The following SRGAP2 variants were observed in gnomAD, a reference collection of about 807,000 sequenced individuals.
The protein encoded by SRGAP2 is SLIT-ROBO Rho GTPase activating protein 2.
In SRGAP2, 15 loss-of-function variants were observed where a neutral mutation model predicts 57.2. The ratio of observed to expected loss-of-function variants is 0.26; its 90% CI spans 0.18 to 0.40. SRGAP2 has a LOEUF of 0.40. Ranked by LOEUF, SRGAP2 falls within the 10% of genes least tolerant of loss-of-function variation. The pLI is 1.00. For missense variants in SRGAP2, 520 were observed against 669.6 expected (o/e 0.78, Z 2.47); for synonymous variants, 249 against 248.0 (o/e 1.00, Z -0.04).
chr1:206,279,769 C>G, intron 2 of SRGAP2, among the ~76,000 whole-genome samples: 2 of 151,360 alleles, frequency 1.3e-5, no homozygotes, highest in Non-Finnish European at 2.9e-5. Context: ...TGGAAATGAA[C>G]TTTCTGACAG....
intron 2 of SRGAP2, among the ~76,000 whole-genome samples, chr1:206,239,521 G>T (rs1668079113): frequency 6.6e-6 from 1 of 152,124 alleles, no homozygotes; most frequent in Non-Finnish European, 1.5e-5. Flanking sequence ...GCAGTGGCAT[G>T]ATCTTGGCTC....
chr1:206,451,103 T>G (rs763388567), intron 19 of SRGAP2, among the ~76,000 whole-genome samples: 11 of 110,000 alleles, frequency 1.0e-4, no homozygotes, highest in Admixed American at 1.3e-4. Flanking sequence ...GGTGAGAGAG[T>G]GAGACCCTGT....
In SRGAP2 at chr1:206,277,016, G is replaced by A. The variant is rs1192460949; in HGVS notation, c.68-26265G>A. Among the ~76,000 whole-genome samples the A allele has an allele frequency of 2.0e-5, 3 of 151,324 alleles. No individual in the cohort carries two copies. The East Asian group carries it at 5.8e-4, about 29-fold the overall frequency. On this transcript the variant is annotated intron_variant, in intron 2 of 22. Transcript: ENST00000573034. ...TTTTGCTCCTGTTGCCCAGGCTGGA[G>A]TGCAATGGCGTGACCTTGGCTCACG...
At chr1:206,208,412 A>C (rs1666096905) in intron 2 of SRGAP2, among the ~76,000 whole-genome samples, 1 of 151,826 alleles carries the variant, frequency 6.6e-6, no homozygotes, top group African/African-American at 2.4e-5. Flanking sequence ...GTCACCTTCC[A>C]TTCACCATAT....
At chr1:206,420,555 T>G (rs531594032) in intron 12 of SRGAP2, among the ~76,000 whole-genome samples, 1 of 152,290 alleles carries the variant, frequency 6.6e-6, no homozygotes, top group South Asian at 2.1e-4. Context: ...TGTCGTAGGA[T>G]TCCAAAGGGG....
At chr1:206,301,195 C>A (rs1444792160) in intron 2 of SRGAP2, among the ~76,000 whole-genome samples, 37 of 152,086 alleles carry the variant, frequency 2.4e-4, no homozygotes, top group African/African-American at 8.7e-4. Context: ...CCATGCCTGG[C>A]TAATTTTTTT....
chr1:206,360,238 T>C (rs1201530377), intron 4 of SRGAP2, among the ~76,000 whole-genome samples: 10 of 149,018 alleles, frequency 6.7e-5, no homozygotes, highest in East Asian at 3.9e-4. Flanking sequence ...GAGATAATAG[T>C]GCACATCTAA....
In SRGAP2 at chr1:206,463,695, C is replaced by T. The variant is rs1363401614; in HGVS notation, c.*2275C>T. On this transcript the variant is annotated 3_prime_UTR_variant, in exon 23 of 23. Coordinates refer to ENST00000573034, the MANE Select transcript of SRGAP2 (RefSeq NM_015326.5). ...AGTGTGTGAGTGGTCACCTACTAAA[C>T]CCAGCTCTGGGGGCAGAGCTGTCTT... The T allele has an allele frequency of 6.6e-6, 1 of 152,586 alleles. No individual in the cohort carries two copies. The highest frequency in any genetic ancestry group is 6.5e-5 in the Admixed American group (1 of 15,278). The allele number at this position is 152,586 out of a possible 1,614,324, so 9.5% of individuals were successfully genotyped here.
chr1:206,210,854 T>C (rs1553302300), intron 2 of SRGAP2, among the ~76,000 whole-genome samples: 6 of 151,512 alleles, frequency 4.0e-5, no homozygotes. Flanking sequence ...ATCATTTTCC[T>C]GCAAGATGAT....
At chr1:206,359,798 C>CTCT (rs1558345468) in intron 4 of SRGAP2, among the ~76,000 whole-genome samples, 1 of 70,212 alleles carries the variant, frequency 1.4e-5, no homozygotes, top group African/African-American at 5.9e-5. Flanking sequence ...GGATATTGCT[C>CTCT]TTTTTTTTTT....
intron 5 of SRGAP2, among the ~76,000 whole-genome samples, chr1:206,388,836 C>G (rs1362585098): frequency 7.4e-4 from 108 of 145,356 alleles, no homozygotes; most frequent in African/African-American, 2.7e-3. Flanking sequence ...CTGTGGCCTT[C>G]ACAGTAGGGT....
At chr1:206,411,566 A>G (rs1659227586) in intron 10 of SRGAP2, among the ~76,000 whole-genome samples, 1 of 152,310 alleles carries the variant, frequency 6.6e-6, no homozygotes. Context: ...GCATGCCTGC[A>G]TGGTGGGGAA....
intron 3 of SRGAP2, among the ~76,000 whole-genome samples, chr1:206,332,484 A>G (rs1265692249): frequency 6.6e-6 from 1 of 150,682 alleles, no homozygotes; most frequent in African/African-American, 2.5e-5. Flanking sequence ...ATAGTCCCAT[A>G]TTTCTTGGAG....
chr1:206,363,577 T>C (rs1677066703), intron 4 of SRGAP2, among the ~76,000 whole-genome samples: 1 of 151,898 alleles, frequency 6.6e-6, no homozygotes, highest in South Asian at 2.1e-4. Flanking sequence ...CAGTTTAGGA[T>C]CACACATGAT....
intron 2 of SRGAP2, among the ~76,000 whole-genome samples, chr1:206,220,892 C>T (rs1553304531): frequency 6.6e-6 from 1 of 150,934 alleles, no homozygotes; most frequent in African/African-American, 2.4e-5. Flanking sequence ...ACAAGAAGAT[C>T]ATGAGCTAAT....
intron 2 of SRGAP2, among the ~76,000 whole-genome samples, chr1:206,290,522 A>G (rs1359698927): frequency 1.3e-5 from 2 of 151,118 alleles, no homozygotes; most frequent in East Asian, 3.9e-4. Context: ...GGTGCCTGTA[A>G]TCCCAGCTAC....
At chr1:206,224,220 C>T (rs1553305148) in intron 2 of SRGAP2, among the ~76,000 whole-genome samples, 2 of 151,824 alleles carry the variant, frequency 1.3e-5, no homozygotes, top group African/African-American at 2.4e-5. Flanking sequence ...AACCTAGCAG[C>T]GAGGGAAGTG....
intron 13 of SRGAP2, among the ~76,000 whole-genome samples, chr1:206,425,178 C>T (rs1303423153): frequency 6.6e-6 from 1 of 152,054 alleles, no homozygotes; most frequent in Non-Finnish European, 1.5e-5. Flanking sequence ...CTAGGACCAA[C>T]AAAACTATGC....
chr1:206,248,758 G>T (rs1668652583), intron 2 of SRGAP2, among the ~76,000 whole-genome samples: 1 of 150,046 alleles, frequency 6.7e-6, no homozygotes, highest in African/African-American at 2.5e-5. Flanking sequence ...CTGTCTTCCA[G>T]TGTTCTATTG....
Sources: gnomAD v4.1 joint callset for allele counts (sites outside exome capture counted in the v4.1 genomes callset) on GRCh38, gnomAD v4.1.1 for gene constraint, MANE v1.5 for transcripts, NCBI Gene and HGNC (gene_info 2026-07-23, HGNC 2026-07-21) for gene names.